Variants in DGKI observed in about 807,000 individuals in gnomAD.
DGKI encodes the protein diacylglycerol kinase iota, also known as DAG kinase iota.
Under a neutral mutation model 147.5 loss-of-function variants are expected in DGKI, and 55 were observed. The observed-to-expected ratio is 0.37, with a 90% confidence interval of 0.30 to 0.47. The LOEUF is 0.47. Among genes scored for constraint, DGKI ranks in the 20% least tolerant of loss-of-function variants. The pLI, the probability that DGKI is intolerant of heterozygous loss-of-function variation, is 1.00. For missense variants in DGKI, 1,007 were observed against 1,323.8 expected, an observed-to-expected ratio of 0.76 and a Z score of 3.71; for synonymous variants, 469 against 477.1, an observed-to-expected ratio of 0.98 and a Z score of 0.22.
At chr7:137,805,505 G>A (rs185703009) in intron 1 of DGKI, among the ~76,000 whole-genome samples, 99 of 152,302 alleles carry the variant, frequency 6.5e-4, no homozygotes, top group African/African-American at 2.2e-3. Context: ...GCCGTGGTTG[G>A]TTTCCCAAGC....
intron 3 of DGKI, among the ~76,000 whole-genome samples, chr7:137,674,616 C>T (rs141795369): frequency 4.7e-4 from 72 of 152,262 alleles, no homozygotes; most frequent in African/African-American, 1.7e-3. Context: ...TTCAAAAAAC[C>T]TAACTCCATT....
intron 5 of DGKI, among the ~76,000 whole-genome samples, chr7:137,647,190 T>C (rs1186074282): frequency 6.6e-6 from 1 of 152,194 alleles, no homozygotes; most frequent in African/African-American, 2.4e-5. Context: ...CTTCTAATCT[T>C]CATGAGAATT....
chr7:137,401,236 A>G (rs1012758395), intron 30 of DGKI, among the ~76,000 whole-genome samples: 1 of 152,156 alleles, frequency 6.6e-6, no homozygotes, highest in African/African-American at 2.4e-5. Context: ...ACAAGAGAGA[A>G]AAAAATAAAG....
chr7:137,438,641 C>A (rs532889625), intron 28 of DGKI, among the ~76,000 whole-genome samples: 1 of 152,010 alleles, frequency 6.6e-6, no homozygotes, highest in Non-Finnish European at 1.5e-5. Flanking sequence ...ATATTGTTTG[C>A]AAGAGCAAAA....
At chr7:137,744,816 G>A (rs1795277155) in intron 1 of DGKI, among the ~76,000 whole-genome samples, 1 of 152,122 alleles carries the variant, frequency 6.6e-6, no homozygotes, top group Non-Finnish European at 1.5e-5. Context: ...AGTAGATGCA[G>A]AAAAAGCATT....
At chr7:137,480,199 T>G (rs951342896) in intron 23 of DGKI, among the ~76,000 whole-genome samples, 1 of 152,196 alleles carries the variant, frequency 6.6e-6, no homozygotes, top group African/African-American at 2.4e-5. Flanking sequence ...ATTTAATTCC[T>G]CATTTGACCC....
chr7:137,413,391 G>A (rs1812239071), intron 28 of DGKI, among the ~76,000 whole-genome samples: 1 of 147,648 alleles, frequency 6.8e-6, no homozygotes. Flanking sequence ...CACCCAGACA[G>A]TGAACATAGT....
chr7:137,565,116 T>G (rs1000694457), intron 19 of DGKI, among the ~76,000 whole-genome samples: 2 of 152,148 alleles, frequency 1.3e-5, no homozygotes, highest in Non-Finnish European at 2.9e-5. Flanking sequence ...GAAGAGAGGT[T>G]TACAAACAAT....
At chr7:137,591,378 C>T (rs1819609164) in intron 12 of DGKI, among the ~76,000 whole-genome samples, 1 of 152,156 alleles carries the variant, frequency 6.6e-6, no homozygotes, top group Non-Finnish European at 1.5e-5. Context: ...TTTCACAGCA[C>T]AGATTTTGTT....
intron 12 of DGKI, among the ~76,000 whole-genome samples, chr7:137,588,069 T>C (rs567311716): frequency 1.1e-4 from 16 of 152,340 alleles, no homozygotes; most frequent in African/African-American, 2.6e-4. Flanking sequence ...TAGGTTAACA[T>C]AGATTTCTGT....
intron 19 of DGKI, among the ~76,000 whole-genome samples, chr7:137,569,720 C>T (rs1410274089): frequency 2.5e-5 from 2 of 78,784 alleles, no homozygotes; most frequent in East Asian, 3.7e-4. Flanking sequence ...CAGAGTGAGA[C>T]TCTGTCTCAA....
intron 28 of DGKI, among the ~76,000 whole-genome samples, chr7:137,417,305 G>A (rs1812396460): frequency 6.6e-6 from 1 of 152,198 alleles, no homozygotes; most frequent in Non-Finnish European, 1.5e-5. Flanking sequence ...AACTTATGAA[G>A]ACAGGAATGC....
At chr7:137,634,395 GGATTCT>G (rs1821238564) in intron 6 of DGKI, among the ~76,000 whole-genome samples, 1 of 152,132 alleles carries the variant, frequency 6.6e-6, no homozygotes, top group Admixed American at 6.5e-5. Context: ...ACAGACTCTA[GGATTCT>G]GAAACAAGGT....
intron 3 of DGKI, among the ~76,000 whole-genome samples, chr7:137,663,620 T>C (rs1478826829): frequency 6.6e-6 from 1 of 151,974 alleles, no homozygotes; most frequent in Admixed American, 6.6e-5. Flanking sequence ...GTTTGAACGG[T>C]GTGTCTGGGG....
At chr7:137,760,103 A>G (rs1225306953) in intron 1 of DGKI, among the ~76,000 whole-genome samples, 1 of 151,794 alleles carries the variant, frequency 6.6e-6, no homozygotes, top group Non-Finnish European at 1.5e-5. Context: ...CAGAGGAGTC[A>G]CTCCCTCTTT....
In DGKI at chr7:137,678,648, T is replaced by C; in HGVS notation, c.515A>G (p.Asn172Ser). 1 of 1,614,112 alleles carries C rather than the reference T, an allele frequency of 6.2e-7. No individual in the cohort carries two copies. Among genetic ancestry groups the C allele is most frequent in the Non-Finnish European group, 8.5e-7 (1 of 1,179,994 alleles). Residue 172 changes from asparagine (N) to serine (S), a missense_variant, in exon 3 of 33, where the codon AAT becomes AGT. Asn to Ser is a conservative substitution (Grantham distance 46). Around this residue, in one of 5 missense-constraint regions of DGKI, gnomAD observed 259 missense variants for 362.5 expected, o/e 0.71. Transcript: ENST00000614521. ...CCACAGGTGTTCTCCATTCACGGCA[T>C]TCTCCTGCAAGGAAAAGACCCACCT... ...EPRATLDWSE[N>S]AVNGEHLWLE...
At chr7:137,461,088 G>A (rs1238611158) in intron 27 of DGKI, among the ~76,000 whole-genome samples, 1 of 152,106 alleles carries the variant, frequency 6.6e-6, no homozygotes, top group Admixed American at 6.6e-5. Flanking sequence ...TATATTGTAG[G>A]ACTTTTCACT....
chr7:137,458,359 G>A (rs979614063), intron 27 of DGKI, among the ~76,000 whole-genome samples: 1 of 152,132 alleles, frequency 6.6e-6, no homozygotes, highest in Non-Finnish European at 1.5e-5. Flanking sequence ...CCTCGGTGTG[G>A]TTCACTACAC....
intron 1 of DGKI, among the ~76,000 whole-genome samples, chr7:137,755,928 T>C (rs1182818157): frequency 2.0e-5 from 3 of 152,202 alleles, no homozygotes; most frequent in African/African-American, 7.2e-5. Flanking sequence ...GTCCAGTTCC[T>C]AATGGGTAAC....
Sources: gnomAD v4.1 joint callset for allele counts (sites outside exome capture counted in the v4.1 genomes callset) on GRCh38, gnomAD v4.1.1 for gene constraint, gnomAD v4.1.1 regional missense constraint, MANE v1.5 for transcripts, NCBI Gene and HGNC (gene_info 2026-07-23, HGNC 2026-07-21) for gene names.